Variants in MMS22L observed in about 807,000 individuals in gnomAD.
MMS22L encodes the protein MMS22 like, DNA repair protein.
In MMS22L, 74 loss-of-function variants were observed where a neutral mutation model predicts 159.1. The observed-to-expected ratio is 0.47, with a 90% CI of 0.39 to 0.56. The LOEUF (loss-of-function observed/expected upper bound fraction) is 0.56. Among genes scored for constraint, MMS22L ranks in the 20% least tolerant of loss-of-function variants. The pLI is 0.00. For synonymous variants in MMS22L, 517 were observed against 506.9 expected (o/e 1.02, Z -0.27); for missense variants, 1,351 against 1,422.1 (o/e 0.95, Z 0.80).
intron 6 of MMS22L, 45 bp downstream of exon 6, chr6:97,272,659 G>C (rs750949212): frequency 6.6e-7 from 1 of 1,515,200 alleles, no homozygotes; most frequent in East Asian, 2.3e-5. Flanking sequence ...CTCCTTGTGG[G>C]GAGAAAAAGC....
At chr6:97,206,380 T>C (rs930849030) in intron 14 of MMS22L, among the ~76,000 whole-genome samples, 17 of 80,818 alleles carry the variant, frequency 2.1e-4, no homozygotes, top group Non-Finnish European at 3.5e-4. Context: ...GAACCTCGCA[T>C]GTACACACAC....
At chr6:97,150,196 T>A (rs977957495) in intron 23 of MMS22L, among the ~76,000 whole-genome samples, 176 bp from the exon 24 acceptor site, 20 of 152,066 alleles carry the variant, frequency 1.3e-4, no homozygotes, top group African/African-American at 4.1e-4. Flanking sequence ...AGAATTGAAG[T>A]GGCTTATTTA....
In MMS22L at chr6:97,152,999, C is replaced by T. The variant is rs1209619693; in HGVS notation, c.3386-1132G>A. 4.6e-5 allele frequency among the ~76,000 whole-genome samples: 7 copies of T among 151,874 alleles called. No individual in the cohort carries two copies. In the East Asian group the frequency reaches 1.2e-3, roughly 25 times the overall value. On this transcript the variant is annotated intron_variant, in intron 22 of 24. Coordinates refer to ENST00000683635, the MANE Select transcript of MMS22L (RefSeq NM_001350599.2). The stretch of plus-strand genomic sequence containing the variant: ...TACAGGTGCATGCCAGCATGCCTGG[C>T]TAATTTTTTAAAAAAGCTTTTTGTA...
At chr6:97,247,005 T>C (rs1015879779) in intron 10 of MMS22L, among the ~76,000 whole-genome samples, 4 of 140,246 alleles carry the variant, frequency 2.9e-5, no homozygotes, top group Non-Finnish European at 4.6e-5. Context: ...AAAAATTATA[T>C]AGCCACATGT....
rs752745246 is a variant in MMS22L at position 97,278,892 on chromosome 6, T to C, written c.297A>G (p.Gln99=). 9.3e-6 allele frequency: 15 copies of C among 1,612,680 alleles called. No homozygotes were observed. The East Asian group carries it at 2.5e-4, about 26-fold the overall frequency. ...GTAACAAGGTTTCCAAGTTGTACAGTTGTTGCCTAATTTTAAAAATGTAAG... is the reference window on the plus strand; with the variant it reads ...GTAACAAGGTTTCCAAGTTGTACAGCTGTTGCCTAATTTTAAAAATGTAAG... ...SRELFHLFRQ[Q]LYNLETLLQS... Residue 99 remains glutamine (Q), a synonymous_variant, in exon 4 of 25, where the codon CAA becomes CAG. Transcript: ENST00000683635.
At chr6:97,154,799 A>G (rs995210528) in intron 22 of MMS22L, among the ~76,000 whole-genome samples, 3 of 152,160 alleles carry the variant, frequency 2.0e-5, no homozygotes, top group African/African-American at 7.2e-5. Flanking sequence ...GCTTAATTCT[A>G]TTCTATTGAC....
intron 14 of MMS22L, among the ~76,000 whole-genome samples, chr6:97,222,551 T>C (rs1809766424): frequency 6.6e-6 from 1 of 152,106 alleles, no homozygotes; most frequent in South Asian, 2.1e-4. Flanking sequence ...CTATTTGGCT[T>C]AAATTCATAA....
At chr6:97,269,649 A>T (rs1815516176) in intron 7 of MMS22L, among the ~76,000 whole-genome samples, 1 of 152,136 alleles carries the variant, frequency 6.6e-6, no homozygotes, top group South Asian at 2.1e-4. Flanking sequence ...ATCTGTGGTT[A>T]AAAACAAAAA....
chr6:97,235,545 C>T (rs1358550180), intron 11 of MMS22L, among the ~76,000 whole-genome samples: 1 of 152,062 alleles, frequency 6.6e-6, no homozygotes, highest in Non-Finnish European at 1.5e-5. Context: ...CCAGGCATTG[C>T]GGATGCCAAG....
In MMS22L at chr6:97,165,307, T is replaced by C. The variant is rs751858085; in HGVS notation, c.3160A>G (p.Arg1054Gly). The C allele has an allele frequency of 6.2e-7, 1 of 1,613,372 alleles. No homozygotes were observed. The highest frequency in any genetic ancestry group is 8.5e-7 in the Non-Finnish European group (1 of 1,179,602). The change falls in exon 21 of 25, where the codon AGA becomes GGA. Residue 1054 changes from arginine to glycine, a missense_variant. Transcript: ENST00000683635. Reference protein sequence around the residue: ...LGQHPVLLALRNTATIPPISS... With the variant: ...LGQHPVLLALGNTATIPPISS... ...ATTGGTGGAATAGTGGCTGTGTTTC[T>C]CAATGCCAGCAAAACAGGATGTTGT... is the stretch of plus-strand genomic sequence containing the variant.
chr6:97,255,919 A>G (rs910600587), intron 9 of MMS22L, among the ~76,000 whole-genome samples: 2 of 152,034 alleles, frequency 1.3e-5, no homozygotes, highest in Admixed American at 6.6e-5. Flanking sequence ...AATTTTTCCA[A>G]TATTTGTTTA....
intron 24 of MMS22L, among the ~76,000 whole-genome samples, chr6:97,148,543 G>C (rs967245456): frequency 1.3e-5 from 2 of 151,500 alleles, no homozygotes; most frequent in Non-Finnish European, 2.9e-5. Flanking sequence ...ATGCGTGTGT[G>C]TCTTCATTTT....
At chr6:97,219,447 A>G (rs1582665080) in intron 14 of MMS22L, among the ~76,000 whole-genome samples, 1 of 152,104 alleles carries the variant, frequency 6.6e-6, no homozygotes, top group Non-Finnish European at 1.5e-5. Flanking sequence ...AAATATAGCT[A>G]TTGAGGACTT....
At chr6:97,228,063 C>T (rs890680667) in intron 14 of MMS22L, among the ~76,000 whole-genome samples, 1 of 152,168 alleles carries the variant, frequency 6.6e-6, no homozygotes, top group Non-Finnish European at 1.5e-5. Context: ...TATGACTTTG[C>T]TGCAAAAATT....
chr6:97,199,031 A>G (rs1344206207), intron 14 of MMS22L, among the ~76,000 whole-genome samples: 1 of 152,162 alleles, frequency 6.6e-6, no homozygotes, highest in African/African-American at 2.4e-5. Context: ...TCTAAAAACT[A>G]GCTTAGCTCT....
At chr6:97,252,601 C>T (rs1055884245) in intron 10 of MMS22L, among the ~76,000 whole-genome samples, 2 of 150,048 alleles carry the variant, frequency 1.3e-5, no homozygotes, top group South Asian at 2.1e-4. Flanking sequence ...GCCGAGATCA[C>T]GCCATTATAC....
chr6:97,171,536 A>G (rs950209776), intron 19 of MMS22L, among the ~76,000 whole-genome samples: 7 of 152,188 alleles, frequency 4.6e-5, no homozygotes, highest in Non-Finnish European at 8.8e-5. Flanking sequence ...AAAACAAAAC[A>G]AAACAAAATC....
chr6:97,223,831 TAC>T (rs1809921627), intron 14 of MMS22L, among the ~76,000 whole-genome samples: 1 of 152,158 alleles, frequency 6.6e-6, no homozygotes, highest in South Asian at 2.1e-4. Flanking sequence ...TTTTATTACA[TAC>T]AGTAATCTGT....
At chr6:97,253,806 G>A (rs1180192271) in intron 10 of MMS22L, 1 of 152,166 alleles carries the variant, frequency 6.6e-6, no homozygotes, top group Non-Finnish European at 1.5e-5. Context: ...GATCAGCCAG[G>A]TTTGGTAACC....
Sources: allele counts gnomAD v4.1 joint callset (sites outside exome capture counted in the v4.1 genomes callset), GRCh38; gene constraint gnomAD v4.1.1; transcripts MANE v1.5; gene names NCBI Gene and HGNC (gene_info 2026-07-23, HGNC 2026-07-21).